MARCHF3: variants seen among roughly 807,000 people sequenced by gnomAD.
MARCHF3 encodes the protein E3 ubiquitin-protein ligase MARCHF3.
A neutral mutation model predicts 24.2 loss-of-function variants in MARCHF3; 13 were observed. That is an observed-to-expected ratio of 0.54 (90% CI 0.35 to 0.85). The LOEUF is 0.85. Ranked by LOEUF, MARCHF3 falls within the 40% of genes least tolerant of loss-of-function variation. The probability of loss-of-function intolerance (pLI) is 0.01; values close to 1 mark genes in which losing one functional copy is unlikely to be tolerated. For synonymous variants in MARCHF3, 144 were observed against 137.3 expected, an observed-to-expected ratio of 1.05 and a Z score of -0.34; for missense variants, 276 against 325.0, an observed-to-expected ratio of 0.85 and a Z score of 1.16.
At chr5:126,885,825 T>C (rs998225512) in intron 3 of MARCHF3, among the ~76,000 whole-genome samples, 2 of 152,102 alleles carry the variant, frequency 1.3e-5, no homozygotes, top group Non-Finnish European at 2.9e-5. Context: ...TATCTACACA[T>C]TGTTTTGTTG....
At chr5:126,921,686 G>A (rs1749112902) in intron 1 of MARCHF3, among the ~76,000 whole-genome samples, 2 of 152,208 alleles carry the variant, frequency 1.3e-5, no homozygotes, top group Non-Finnish European at 2.9e-5. Flanking sequence ...GTACTTCCCA[G>A]TCTACCCAAG....
rs73783498 is a variant in MARCHF3 at position 126,926,410 on chromosome 5, G to C, written c.-56-8183C>G. ...ACAACACATTTGGCTGCATTACTTTGCATTTACACACAAGATAAGCAAGGT... is the reference window on the plus strand; with the variant it reads ...ACAACACATTTGGCTGCATTACTTTCCATTTACACACAAGATAAGCAAGGT... On this transcript the variant is annotated intron_variant, in intron 1 of 4. Coordinates refer to ENST00000308660, the MANE Select transcript of MARCHF3 (RefSeq NM_178450.5). 8.4e-3 allele frequency among the ~76,000 whole-genome samples: 1,284 copies of C among 152,186 alleles called. 19 individuals are homozygous for C. Among genetic ancestry groups the C allele is most frequent in the East Asian group, 0.026 (132 of 5,172 alleles).
intron 2 of MARCHF3, 96 bp downstream of exon 2, chr5:126,917,888 G>A: frequency 2.5e-6 from 3 of 1,191,420 alleles, no homozygotes; most frequent in Non-Finnish European, 3.5e-6. Context: ...CTGACACAAA[G>A]ACCTGAGCAC....
chr5:126,970,025 A>T (rs1750947902), intron 1 of MARCHF3, among the ~76,000 whole-genome samples: 1 of 151,498 alleles, frequency 6.6e-6, no homozygotes, highest in South Asian at 2.1e-4. Context: ...AAAATTTCTA[A>T]CCATTGGTGA....
chr5:126,898,262 C>T (rs1298770430), intron 3 of MARCHF3, among the ~76,000 whole-genome samples: 1 of 151,998 alleles, frequency 6.6e-6, no homozygotes, highest in Admixed American at 6.6e-5. Flanking sequence ...CTGGAAGACC[C>T]TTTAGTTAAG....
Position 126,899,214 on chromosome 5 carries a change from A to G in MARCHF3, c.393+15716T>C. 3.0e-6 allele frequency: 3 copies of G among 985,332 alleles called. 1 individual carries two copies. In the African/African-American group the frequency reaches 5.2e-5, roughly 17 times the overall value. The allele number at this position is 985,332 out of a possible 1,614,324, so 61.0% of individuals were successfully genotyped here. On this transcript the variant is annotated intron_variant, in intron 3 of 4. Coordinates refer to ENST00000308660, the MANE Select transcript of MARCHF3 (RefSeq NM_178450.5). ...CCATGAAGAATGAGGAGGACGGCAA[A>G]GCCTGAAGACCTGACAGGGGTGTTT...
intron 1 of MARCHF3, among the ~76,000 whole-genome samples, chr5:126,943,539 C>T (rs1253530098): frequency 1.5e-4 from 23 of 149,018 alleles, no homozygotes; most frequent in East Asian, 4.0e-4. Flanking sequence ...GCTGTGATTG[C>T]GCCACTGCAC....
At chr5:126,959,753 A>C (rs765591034) in intron 1 of MARCHF3, among the ~76,000 whole-genome samples, 8 of 152,172 alleles carry the variant, frequency 5.3e-5, no homozygotes, top group Non-Finnish European at 1.0e-4. Context: ...ATCACACCTT[A>C]AATGATCACG....
chr5:126,885,481 C>A (rs929368447), intron 3 of MARCHF3, among the ~76,000 whole-genome samples: 1 of 152,044 alleles, frequency 6.6e-6, no homozygotes, highest in Non-Finnish European at 1.5e-5. Context: ...GCAGGAGAAT[C>A]GCTTGAACCC....
At chr5:126,986,200 T>A (rs980708788) in intron 1 of MARCHF3, among the ~76,000 whole-genome samples, 6 of 152,134 alleles carry the variant, frequency 3.9e-5, no homozygotes, top group African/African-American at 1.2e-4. Flanking sequence ...CTCAGGCAAA[T>A]TATTAAACAT....
At chr5:126,922,255 A>C (rs1272719303) in intron 1 of MARCHF3, among the ~76,000 whole-genome samples, 2 of 152,098 alleles carry the variant, frequency 1.3e-5, no homozygotes, top group African/African-American at 4.8e-5. Flanking sequence ...CAAAGCCTAC[A>C]CTCTGGCTTT....
chr5:126,922,259 T>C (rs945057767), intron 1 of MARCHF3, among the ~76,000 whole-genome samples: 2 of 152,230 alleles, frequency 1.3e-5, no homozygotes, highest in African/African-American at 4.8e-5. Flanking sequence ...GCCTACACTC[T>C]GGCTTTCTAC....
intron 3 of MARCHF3, among the ~76,000 whole-genome samples, chr5:126,905,522 G>C (rs1754258359): frequency 6.6e-6 from 1 of 151,232 alleles, no homozygotes; most frequent in Non-Finnish European, 1.5e-5. Flanking sequence ...CCTAGAAGAG[G>C]TCCTTCACAT....
Position 126,867,828 on chromosome 5 carries a change from C to T in MARCHF3, c.*2805G>A, listed in dbSNP as rs929313701. ...TGTGTCGATGCTCTGTGTCCTCCGT[C>T]CTTCCCCAAATGAGCACATATGCAG... On this transcript the variant is annotated 3_prime_UTR_variant, in exon 5 of 5. Transcript: ENST00000308660. The T allele has an allele frequency of 3.3e-5, 5 of 152,200 alleles. No homozygotes were observed. The highest frequency in any genetic ancestry group is 9.7e-5 in the African/African-American group (4 of 41,448). The allele number at this position is 152,200 out of a possible 1,614,324, so 9.4% of individuals were successfully genotyped here.
At chr5:127,017,615 C>T (rs1752674552) in intron 1 of MARCHF3, among the ~76,000 whole-genome samples, 2 of 152,104 alleles carry the variant, frequency 1.3e-5, no homozygotes, top group Non-Finnish European at 2.9e-5. Context: ...TGTTGAATAT[C>T]TCATGTAACT....
intron 1 of MARCHF3, among the ~76,000 whole-genome samples, chr5:126,976,394 T>A (rs1751195038): frequency 6.6e-6 from 1 of 152,200 alleles, no homozygotes; most frequent in Non-Finnish European, 1.5e-5. Flanking sequence ...CAAATCTAGG[T>A]ACAAGTCAAA....
chr5:126,905,546 G>T (rs950488268), intron 3 of MARCHF3, among the ~76,000 whole-genome samples: 4 of 151,758 alleles, frequency 2.6e-5, no homozygotes, highest in Non-Finnish European at 5.9e-5. Context: ...TTATAAGTTG[G>T]ATTCCTAGGT....
At chr5:127,018,465 G>A (rs750872511) in intron 1 of MARCHF3, among the ~76,000 whole-genome samples, 13 of 152,156 alleles carry the variant, frequency 8.5e-5, no homozygotes, top group Non-Finnish European at 1.8e-4. Context: ...ACAGAAAATT[G>A]GTGGTAGTGC....
At chr5:126,888,580 G>A (rs1421805795) in intron 3 of MARCHF3, among the ~76,000 whole-genome samples, 1 of 152,178 alleles carries the variant, frequency 6.6e-6, no homozygotes, top group African/African-American at 2.4e-5. Context: ...AATGGAGATT[G>A]CTTATCTGAA....
Sources: allele counts gnomAD v4.1 joint callset (sites outside exome capture counted in the v4.1 genomes callset), GRCh38; gene constraint gnomAD v4.1.1; transcripts MANE v1.5; gene names NCBI Gene and HGNC (gene_info 2026-07-23, HGNC 2026-07-21).